CELSR2: variants seen among roughly 807,000 people sequenced by gnomAD.
CELSR2 encodes cadherin EGF LAG seven-pass G-type receptor 2.
Under a neutral mutation model 251.6 loss-of-function variants are expected in CELSR2, and 81 were observed. That is an observed-to-expected ratio of 0.32 (90% CI 0.27 to 0.39). The LOEUF (loss-of-function observed/expected upper bound fraction) is 0.39. Ranked by LOEUF, CELSR2 falls within the 10% of genes least tolerant of loss-of-function variation. CELSR2 has a pLI of 1.00. For missense variants in CELSR2, 3,365 were observed against 3,947.7 expected (o/e 0.85, Z 3.96); for synonymous variants, 1,721 against 1,670.5 (o/e 1.03, Z -0.74).
chr1:109,267,353 A>G (rs541251932), intron 15 of CELSR2, among the ~76,000 whole-genome samples, 195 bp from the exon 16 acceptor site: 1 of 152,150 alleles, frequency 6.6e-6, no homozygotes, highest in Non-Finnish European at 1.5e-5. Flanking sequence ...CCTAGAGCCC[A>G]TGTGTGGACT....
In CELSR2 at chr1:109,263,375, G is replaced by C. The variant is rs533066425; in HGVS notation, c.4834+108G>C. On this transcript the variant is annotated intron_variant, in intron 8 of 33. Transcript: ENST00000271332. ...AGGGCTCTGCTGAGCGGGGCTGTGG[G>C]TGGAAAAGCGTGTCTGGGCAGAGCC... 94 of 1,455,392 alleles carry C rather than the reference G, an allele frequency of 6.5e-5. No individual in the cohort carries two copies. In the African/African-American group the frequency reaches 1.2e-3, roughly 19 times the overall value. The allele number at this position is 1,455,392 out of a possible 1,614,324, so 90.2% of individuals were successfully genotyped here. A position where few individuals can be genotyped will look rare whatever the true frequency, so the allele number is the denominator to read the frequency against.
At position 109,253,050 on chromosome 1, in the gene CELSR2, G is replaced by A; in HGVS notation, c.2971G>A (p.Glu991Lys). The part of the protein sequence containing the change: ...LVDLDYEDRP[E>K]YVLVIQATSA... ...AGACTTAGACTACGAGGACCGGCCTGAGTACGTCCTGGTCATCCAGGCCAC... is the reference window on the plus strand; with the variant it reads ...AGACTTAGACTACGAGGACCGGCCTAAGTACGTCCTGGTCATCCAGGCCAC... The change falls in exon 1 of 34, where the codon GAG becomes AAG. Residue 991 changes from glutamate (E) to lysine (K), a missense_variant. This residue lies in a region of CELSR2 where 505 missense variants were observed against 660.0 expected (regional missense o/e 0.77). Coordinates refer to ENST00000271332, the MANE Select transcript of CELSR2 (RefSeq NM_001408.3). 6.2e-7 allele frequency: 1 copy of A among 1,613,710 alleles called. No individual in the cohort carries two copies. Among genetic ancestry groups the A allele is most frequent in the Non-Finnish European group, 8.5e-7 (1 of 1,180,040 alleles).
At chr1:109,262,157 G>T in intron 5 of CELSR2, 130 bp from the exon 6 acceptor site, 1 of 1,289,828 alleles carries the variant, frequency 7.8e-7, no homozygotes, top group Non-Finnish European at 1.1e-6. Flanking sequence ...GAGCACACGT[G>T]TGTGTATATG....
At chr1:109,264,800 A>G (rs1656142760) in intron 11 of CELSR2, 68 bp from the exon 12 acceptor site, 1 of 1,610,302 alleles carries the variant, frequency 6.2e-7, no homozygotes, top group Non-Finnish European at 8.5e-7. Flanking sequence ...AAACAGATGA[A>G]GGGTTTGATG....
At position 109,273,542 on chromosome 1, in the gene CELSR2, G is replaced by T; in HGVS notation, c.8616G>T (p.Glu2872Asp). ...CTTCCCGGGGCTCCTCCGCTAGTGA[G>T]GGCAGCCGGGGAGGCCCCCCTCCCC... ...TGSSRGSSAS[E>D]GSRGGPPPRP... The change falls in exon 33 of 34, where the codon GAG becomes GAT. Residue 2872 changes from glutamate (E) to aspartate (D), a missense_variant. By Grantham distance (45) the Glu-to-Asp change is conservative. This residue lies in a region of CELSR2 where 2,093 missense variants were observed against 2,382.8 expected (regional missense o/e 0.88). Transcript: ENST00000271332. The T allele has an allele frequency of 6.3e-7, 1 of 1,580,292 alleles. No individual in the cohort carries two copies. The highest frequency in any genetic ancestry group is 8.6e-7 in the Non-Finnish European group (1 of 1,163,602).
chr1:109,254,858 G>A (rs1655799695), intron 1 of CELSR2, among the ~76,000 whole-genome samples: 1 of 152,224 alleles, frequency 6.6e-6, no homozygotes. Context: ...CCAGGAGGCG[G>A]AAGAGGGAGG....
At position 109,252,519 on chromosome 1, in the gene CELSR2, C is replaced by G; in HGVS notation, c.2440C>G (p.Gln814Glu). Residue 814 changes from glutamine to glutamate, a missense_variant, in exon 1 of 34, where the codon CAG (glutamine) becomes GAG (glutamate). Gln to Glu is a conservative substitution (Grantham distance 29). Transcript: ENST00000271332. The surrounding 1 kb of genome is among the most constrained non-coding windows in gnomAD (Gnocchi z 4.8). ...GAACGACGTGAATGACAATGCCCCTCAGTTCCTGCGAGACTCCTACCAGGG... is the reference window on the plus strand; with the variant it reads ...GAACGACGTGAATGACAATGCCCCTGAGTTCCTGCGAGACTCCTACCAGGG... Reference protein sequence around the residue: ...LVNDVNDNAPQFLRDSYQGSV... With the variant: ...LVNDVNDNAPEFLRDSYQGSV... 1 of 1,613,906 alleles carries G rather than the reference C, an allele frequency of 6.2e-7. No homozygotes were observed. Among genetic ancestry groups the G allele is most frequent in the Non-Finnish European group, 8.5e-7 (1 of 1,180,028 alleles).
Position 109,250,795 on chromosome 1 carries a change from G to T in CELSR2, c.716G>T (p.Gly239Val). The change falls in exon 1 of 34, where the codon GGT becomes GTT. Residue 239 changes from glycine to valine, a missense_variant. Physicochemically the swap from Gly to Val is moderately radical, Grantham distance 109. Coordinates refer to ENST00000271332, the MANE Select transcript of CELSR2 (RefSeq NM_001408.3). The surrounding 1 kb of genome is among the most constrained non-coding windows in gnomAD (Gnocchi z 4.4). ...NQFFSLDPVTGAVTTAEELDR... is the reference protein window; with the variant it reads ...NQFFSLDPVTVAVTTAEELDR... ...TTCTTCTCCCTGGACCCAGTCACTG[G>T]TGCAGTAACCACAGCCGAGGAGCTG... 1 of 1,614,076 alleles carries T rather than the reference G, an allele frequency of 6.2e-7. No homozygotes were observed.
chr1:109,265,116 G>A (rs2101262766), intron 12 of CELSR2, 75 bp from the exon 13 acceptor site: 3 of 1,583,030 alleles, frequency 1.9e-6, no homozygotes, highest in Non-Finnish European at 2.6e-6. Context: ...AGGGTCAGAA[G>A]GGCCACATAG....
rs756572535 is a variant in CELSR2 at position 109,262,981 on chromosome 1, C to T, written c.4708+12C>T. The T allele has an allele frequency of 3.2e-5, 52 of 1,608,428 alleles. No individual in the cohort carries two copies. The highest frequency in any genetic ancestry group is 7.7e-5 in the South Asian group (7 of 90,934). On this transcript the variant is annotated intron_variant, in intron 7 of 33. Transcript: ENST00000271332. ...TGGCACCGTGCCTGGTATGGGGGCC[C>T]GGGGTGGAGCCAGGCTGGGATCCCA...
In CELSR2 at chr1:109,265,260, C is replaced by T. The variant is rs777590428; in HGVS notation, c.5676C>T (p.Ser1892=). Residue 1892 remains serine, a synonymous_variant, in exon 13 of 34, where the codon AGC becomes AGT. Transcript: ENST00000271332. The part of the protein sequence containing the change: ...PTCGPCNCDV[S]KGFDPDCNKT... ...GTGGCCCATGCAACTGTGATGTCAG[C>T]AAAGGCTTTGACCCAGACTGCAACA... 7 of 1,612,958 alleles carry T rather than the reference C, an allele frequency of 4.3e-6. No individual in the cohort carries two copies. Among genetic ancestry groups the T allele is most frequent in the South Asian group, 1.1e-5 (1 of 90,958 alleles).
Position 109,274,378 on chromosome 1 carries a change from T to A in CELSR2, c.*329T>A. 2.4e-6 allele frequency: 1 copy of A among 423,098 alleles called. No homozygotes were observed. Among genetic ancestry groups the A allele is most frequent in the Non-Finnish European group, 4.1e-6 (1 of 241,626 alleles). The allele number at this position is 423,098 out of a possible 1,614,324, so 26.2% of individuals were successfully genotyped here. A position where few individuals can be genotyped will look rare whatever the true frequency, so the allele number is the denominator to read the frequency against. On this transcript the variant is annotated 3_prime_UTR_variant, in exon 34 of 34. Coordinates refer to ENST00000271332, the MANE Select transcript of CELSR2 (RefSeq NM_001408.3). ...CATGACTTCAGGGATTCATTTTTTT[T>A]ATACGCTGGAAATTGACTCCCCTTT... is the stretch of plus-strand genomic sequence containing the variant.
chr1:109,266,929 G>T (rs1557734718), intron 15 of CELSR2, among the ~76,000 whole-genome samples: 1 of 151,392 alleles, frequency 6.6e-6, no homozygotes, highest in Non-Finnish European at 1.5e-5. Context: ...CACCATGTTG[G>T]CCAGGATGGT....
Position 109,250,859 on chromosome 1 carries a change from G to C in CELSR2, c.780G>C (p.Thr260=), listed in dbSNP as rs372864529. Residue 260 remains threonine (T), a synonymous_variant, in exon 1 of 34, where the codon ACG becomes ACC. Coordinates refer to ENST00000271332, the MANE Select transcript of CELSR2 (RefSeq NM_001408.3). The surrounding 1 kb of genome is among the most constrained non-coding windows in gnomAD (Gnocchi z 4.4). ...AGAGCACCCACGTCTTCAGGGTCACGGCGCAGGACCACGGCATGCCCCGAC... is the reference window on the plus strand; with the variant it reads ...AGAGCACCCACGTCTTCAGGGTCACCGCGCAGGACCACGGCATGCCCCGAC... ...ETKSTHVFRV[T]AQDHGMPRRS... The C allele has an allele frequency of 2.0e-5, 32 of 1,613,880 alleles. No homozygotes were observed. In the African/African-American group the frequency reaches 3.7e-4, roughly 19 times the overall value.
chr1:109,270,737 G>A (rs1476442208), intron 24 of CELSR2, 137 bp downstream of exon 24: 1 of 1,214,458 alleles, frequency 8.2e-7, no homozygotes, highest in African/African-American at 1.5e-5. Flanking sequence ...GTGTCCCTCT[G>A]GTTTAACCCA....
rs1336444363 is a variant in CELSR2, at chr1:109,263,640, A to G, written c.4864A>G (p.Ser1622Gly). Residue 1622 changes from serine to glycine, a missense_variant, in exon 9 of 34, where the codon AGC (serine) becomes GGC (glycine). Physicochemically the swap from Ser to Gly is moderately conservative, Grantham distance 56. Coordinates refer to ENST00000271332, the MANE Select transcript of CELSR2 (RefSeq NM_001408.3). ...EMANPQHFLGSSLVAWHGLSL... is the reference protein window; with the variant it reads ...EMANPQHFLGGSLVAWHGLSL... Reference sequence around the variant, plus strand: ...GGCCAATCCACAGCACTTCCTGGGCAGCAGCCTGGTGGCCTGGCATGGCCT... The same window carrying G: ...GGCCAATCCACAGCACTTCCTGGGCGGCAGCCTGGTGGCCTGGCATGGCCT... 2 of 1,613,930 alleles carry G rather than the reference A, an allele frequency of 1.2e-6. No homozygotes were observed. The highest frequency in any genetic ancestry group is 3.3e-5 in the Admixed American group (2 of 60,002).
intron 15 of CELSR2, 101 bp downstream of exon 15, chr1:109,266,307 T>C: frequency 7.1e-7 from 1 of 1,404,532 alleles, no homozygotes; most frequent in Admixed American, 2.3e-5. Flanking sequence ...GACCCCACTT[T>C]CTGGCCTCCA....
In CELSR2 at chr1:109,264,504, C is replaced by T; in HGVS notation, c.5340C>T (p.Ser1780=). 1 of 1,614,092 alleles carries T rather than the reference C, an allele frequency of 6.2e-7. No homozygotes were observed. Among genetic ancestry groups the T allele is most frequent in the Non-Finnish European group, 8.5e-7 (1 of 1,179,986 alleles). The part of the protein sequence containing the change: ...TPEGVNSLDP[S]HGESINVEQG... ...AGGGGGTTAACAGCCTGGATCCCAG[C>T]CATGGGGAGAGCATCAACGTGGAGC... Residue 1780 remains serine (S), a synonymous_variant, in exon 11 of 34, where the codon AGC becomes AGT. Transcript: ENST00000271332.
chr1:109,255,926 G>A (rs1204912083), intron 1 of CELSR2, among the ~76,000 whole-genome samples: 3 of 152,208 alleles, frequency 2.0e-5, no homozygotes, highest in Admixed American at 6.5e-5. Context: ...GGGCCCAGGC[G>A]GGGCCTAAGA....
Sources: allele counts gnomAD v4.1 joint callset (sites outside exome capture counted in the v4.1 genomes callset), GRCh38; gene constraint gnomAD v4.1.1; regional missense constraint gnomAD v4.1.1; non-coding constraint Gnocchi (gnomAD v3.1); transcripts MANE v1.5; gene names NCBI Gene and HGNC (gene_info 2026-07-23, HGNC 2026-07-21).